CDH18: variants seen among roughly 807,000 people sequenced by gnomAD.
CDH18 encodes the protein cadherin-18.
A neutral mutation model predicts 67.9 loss-of-function variants in CDH18; 31 were observed. The ratio of observed to expected loss-of-function variants is 0.46; its 90% confidence interval spans 0.34 to 0.62. CDH18 has a LOEUF of 0.62. CDH18 is among the 20% of genes least tolerant of loss of function. CDH18 has a pLI of 0.01. For synonymous variants in CDH18, 362 were observed against 347.2 expected (o/e 1.04, Z -0.48); for missense variants, 890 against 975.5 (o/e 0.91, Z 1.17).
intron 2 of CDH18, among the ~76,000 whole-genome samples, chr5:20,254,661 T>C (rs973751740): frequency 5.3e-5 from 8 of 152,190 alleles, no homozygotes; most frequent in Admixed American, 3.3e-4. Context: ...CTTATTCGTG[T>C]TGGTTAGAAT....
At chr5:20,294,344 C>A (rs773897729) in intron 1 of CDH18, among the ~76,000 whole-genome samples, 1 of 152,118 alleles carries the variant, frequency 6.6e-6, no homozygotes, top group Non-Finnish European at 1.5e-5. Context: ...TCCTGTTAGC[C>A]CGTAACAGGA....
intron 3 of CDH18, among the ~76,000 whole-genome samples, chr5:19,837,866 T>C (rs1244956589): frequency 6.6e-6 from 1 of 152,178 alleles, no homozygotes; most frequent in African/African-American, 2.4e-5. Context: ...GCTTGCTGTT[T>C]CTCCCATAGG....
intron 3 of CDH18, among the ~76,000 whole-genome samples, chr5:19,769,102 A>G (rs1453473945): frequency 6.6e-6 from 1 of 152,096 alleles, no homozygotes. Flanking sequence ...GGATAATGGG[A>G]GTCACAGAAA....
intron 1 of CDH18, among the ~76,000 whole-genome samples, chr5:20,381,823 G>A (rs1374165262): frequency 6.6e-6 from 1 of 152,060 alleles, no homozygotes; most frequent in African/African-American, 2.4e-5. Flanking sequence ...ATGGCTTGAG[G>A]TAAAGTTATT....
At chr5:19,984,056 A>G (rs940716387) in intron 1 of CDH18, among the ~76,000 whole-genome samples, 1 of 152,124 alleles carries the variant, frequency 6.6e-6, no homozygotes, top group African/African-American at 2.4e-5. Flanking sequence ...CTCATAAAAA[A>G]ATCATGTATC....
intron 11 of CDH18, among the ~76,000 whole-genome samples, chr5:19,494,599 T>G (rs139289100): frequency 6.6e-6 from 1 of 152,210 alleles, no homozygotes; most frequent in African/African-American, 2.4e-5. Flanking sequence ...AAAGTCTCAC[T>G]TAGATATATA....
chr5:20,039,389 C>G, intron 2 of CDH18, among the ~76,000 whole-genome samples: 1 of 151,964 alleles, frequency 6.6e-6, no homozygotes, highest in East Asian at 1.9e-4. Flanking sequence ...ATGTAGTCAA[C>G]ACATTCCTAA....
chr5:19,755,458 T>TATAC (rs1290776275), intron 3 of CDH18, among the ~76,000 whole-genome samples: 222 of 9,390 alleles, frequency 0.024, 1 homozygote, highest in African/African-American at 0.031. Flanking sequence ...TATATATATA[T>TATAC]ACACACACAC....
intron 2 of CDH18, among the ~76,000 whole-genome samples, chr5:20,183,644 T>C (rs1286631461): frequency 3.3e-5 from 5 of 152,100 alleles, no homozygotes; most frequent in Admixed American, 2.0e-4. Context: ...CAAAATCTTT[T>C]TGTTTATCTT....
chr5:20,443,035 C>A (rs1292245928), intron 1 of CDH18, among the ~76,000 whole-genome samples: 1 of 150,284 alleles, frequency 6.7e-6, no homozygotes, highest in African/African-American at 2.5e-5. Flanking sequence ...CGGTGAAACC[C>A]CGTCTCTACT....
chr5:19,915,203 A>G (rs1251949168), intron 2 of CDH18, among the ~76,000 whole-genome samples: 1 of 152,130 alleles, frequency 6.6e-6, no homozygotes, highest in Non-Finnish European at 1.5e-5. Context: ...CTTTTGAAAG[A>G]CAGTGCTGTC....
intron 5 of CDH18, among the ~76,000 whole-genome samples, chr5:19,630,407 G>A (rs983087873): frequency 2.6e-5 from 4 of 152,026 alleles, no homozygotes; most frequent in African/African-American, 9.7e-5. Context: ...TGGTAGCTTT[G>A]TATTCTTAAT....
chr5:20,436,527 TTTATC>T (rs1749177332), intron 1 of CDH18, among the ~76,000 whole-genome samples: 2 of 151,814 alleles, frequency 1.3e-5, no homozygotes, highest in South Asian at 2.1e-4. Flanking sequence ...TGGTAGCTCC[TTTATC>T]TTATTTTCAT....
At chr5:20,193,998 G>A (rs1330895572) in intron 2 of CDH18, among the ~76,000 whole-genome samples, 3 of 152,062 alleles carry the variant, frequency 2.0e-5, no homozygotes, top group African/African-American at 7.2e-5. Flanking sequence ...ATATCATACT[G>A]AATGAGCAAA....
intron 3 of CDH18, among the ~76,000 whole-genome samples, chr5:19,773,662 T>C (rs1773975067): frequency 6.6e-6 from 1 of 152,120 alleles, no homozygotes; most frequent in African/African-American, 2.4e-5. Context: ...AGGCTAAAGG[T>C]AATATAGAAG....
At chr5:20,328,235 G>T (rs140842705) in intron 1 of CDH18, among the ~76,000 whole-genome samples, 31 of 152,260 alleles carry the variant, frequency 2.0e-4, no homozygotes, top group Non-Finnish European at 3.7e-4. Context: ...AAACCAAAGA[G>T]AAGACTCAAA....
intron 1 of CDH18, among the ~76,000 whole-genome samples, chr5:20,402,542 A>T (rs1306199805): frequency 1.3e-5 from 2 of 152,240 alleles, no homozygotes; most frequent in Non-Finnish European, 2.9e-5. Context: ...ATTGGGTCAC[A>T]TATTTTTTAT....
chr5:20,537,213 C>A (rs1353336901), intron 1 of CDH18, among the ~76,000 whole-genome samples: 1 of 151,960 alleles, frequency 6.6e-6, no homozygotes, highest in East Asian at 1.9e-4. Flanking sequence ...TATCTTCTAT[C>A]CTAGAAAACT....
chr5:19,618,760 A>G (rs766627648), intron 5 of CDH18, among the ~76,000 whole-genome samples: 2 of 152,192 alleles, frequency 1.3e-5, no homozygotes, highest in Non-Finnish European at 2.9e-5. Flanking sequence ...GTGAATGTAC[A>G]AATTTGAAAT....
Sources: allele counts gnomAD v4.1 joint callset (sites outside exome capture counted in the v4.1 genomes callset), GRCh38; gene constraint gnomAD v4.1.1; transcripts MANE v1.5; gene names NCBI Gene and HGNC (gene_info 2026-07-23, HGNC 2026-07-21).